Variants in INTS7 observed in about 807,000 individuals in gnomAD.
The protein encoded by INTS7 is chromosome 1 open reading frame 73.
INTS7 carries 46 observed loss-of-function variants against 109.2 expected under a neutral mutation model. The observed-to-expected ratio is 0.42, with a 90% CI of 0.33 to 0.54. The LOEUF (loss-of-function observed/expected upper bound fraction) is 0.54. Ranked by LOEUF, INTS7 falls within the 20% of genes least tolerant of loss-of-function variation. The pLI is 0.07. For synonymous variants in INTS7, 412 were observed against 402.9 expected, an observed-to-expected ratio of 1.02 and a Z score of -0.27; for missense variants, 929 against 1,132.4, an observed-to-expected ratio of 0.82 and a Z score of 2.58.
intron 7 of INTS7, among the ~76,000 whole-genome samples, chr1:212,001,863 A>T (rs953407320): frequency 6.6e-6 from 1 of 152,130 alleles, no homozygotes; most frequent in African/African-American, 2.4e-5. Context: ...TTCTCAGTTC[A>T]TCATTCCCTA....
chr1:211,968,849 G>T (rs184008288), intron 13 of INTS7, 142 bp from the exon 14 acceptor site: 4 of 563,754 alleles, frequency 7.1e-6, no homozygotes, highest in African/African-American at 3.7e-5. Context: ...ATGATAAAAA[G>T]AATAATGTAA....
chr1:211,993,973 C>T (rs1481211082), intron 7 of INTS7, among the ~76,000 whole-genome samples: 1 of 151,980 alleles, frequency 6.6e-6, no homozygotes, highest in Non-Finnish European at 1.5e-5. Context: ...AATTATAATA[C>T]TAACCAACAA....
In INTS7 at chr1:211,968,539, G is replaced by C; in HGVS notation, c.1984C>G (p.Gln662Glu). ...TGATTGGAGATGCGACCACACCTCT[G>C]GAGGTCATTTCCTAAGGTCATGGCA... The part of the protein sequence containing the change: ...TIAMTLGNDL[Q>E]RCGRISNQMK... The change falls in exon 14 of 20, where the codon CAG becomes GAG. Residue 662 changes from glutamine to glutamate, a missense_variant. Transcript: ENST00000366994. The C allele has an allele frequency of 6.2e-7, 1 of 1,613,952 alleles. No individual in the cohort carries two copies. The highest frequency in any genetic ancestry group is 8.5e-7 in the Non-Finnish European group (1 of 1,179,892).
intron 4 of INTS7, among the ~76,000 whole-genome samples, chr1:212,014,232 A>G (rs1666295517): frequency 6.6e-6 from 1 of 152,162 alleles, no homozygotes; most frequent in Admixed American, 6.5e-5. Context: ...TGGGAGGCCA[A>G]GGCAGGTGGA....
chr1:211,962,031 C>T (rs1017029052), intron 16 of INTS7, among the ~76,000 whole-genome samples: 1 of 152,022 alleles, frequency 6.6e-6, no homozygotes, highest in Non-Finnish European at 1.5e-5. Flanking sequence ...TACATCAATA[C>T]TAACCTTTAA....
At chr1:211,965,454 C>T (rs1663830250) in intron 16 of INTS7, among the ~76,000 whole-genome samples, 1 of 152,112 alleles carries the variant, frequency 6.6e-6, no homozygotes, top group African/African-American at 2.4e-5. Context: ...TGTGTATATA[C>T]CCAAAGGAAT....
intron 7 of INTS7, among the ~76,000 whole-genome samples, chr1:211,989,739 T>C (rs1665064096): frequency 6.6e-6 from 1 of 151,658 alleles, no homozygotes; most frequent in Admixed American, 6.6e-5. Flanking sequence ...GGAGAATCGC[T>C]TGAACCCAGG....
chr1:211,996,861 C>CA lies in INTS7; in HGVS notation c.880-8859dup, dbSNP rs1665415480. ...ACAAAATAGCGAGATCTCACCTCTACAAAAAAATACAAAAATTGGCTGGGT... is the reference window on the plus strand; with the variant it reads ...ACAAAATAGCGAGATCTCACCTCTACAAAAAAAATACAAAAATTGGCTGGGT... On this transcript the variant is annotated intron_variant, in intron 7 of 19. Transcript: ENST00000366994. Among the ~76,000 whole-genome samples, 13 of 151,820 alleles carry CA rather than the reference C, an allele frequency of 8.6e-5. 1 individual carries two copies. Among genetic ancestry groups the CA allele is most frequent in the Admixed American group, 7.2e-4 (11 of 15,246 alleles).
At chr1:212,008,682 G>A (rs1267325767) in intron 5 of INTS7, among the ~76,000 whole-genome samples, 4 of 152,160 alleles carry the variant, frequency 2.6e-5, no homozygotes, top group Non-Finnish European at 5.9e-5. Context: ...AAGGCTCAAA[G>A]AGAACTGATC....
intron 7 of INTS7, among the ~76,000 whole-genome samples, chr1:212,001,217 G>A (rs762604759): frequency 1.3e-5 from 2 of 151,980 alleles, no homozygotes; most frequent in East Asian, 1.9e-4. Flanking sequence ...ACAGGCATGC[G>A]CCATCACGCC....
intron 17 of INTS7, among the ~76,000 whole-genome samples, chr1:211,948,734 GTC>G (rs936597734): frequency 1.5e-4 from 23 of 152,210 alleles, no homozygotes; most frequent in African/African-American, 5.3e-4. Context: ...TTGAGACGGA[GTC>G]TCTCTCTGTT....
chr1:211,987,962 T>C lies in INTS7; in HGVS notation c.921A>G (p.Leu307=), dbSNP rs201753572. The C allele has an allele frequency of 6.2e-7, 1 of 1,612,262 alleles. No individual in the cohort carries two copies. Among genetic ancestry groups the C allele is most frequent in the Admixed American group, 1.7e-5 (1 of 59,990 alleles). Residue 307 remains leucine, a synonymous_variant, in exon 8 of 20, where the codon TTA becomes TTG. Transcript: ENST00000366994. ...ECALQTPYDS[L]KLGMLSVLST... ...AAAGGACAGACAACATCCCTAGTTTTAAGCTGTCATAAGGAGTCTGGAGGG... is the reference window on the plus strand; with the variant it reads ...AAAGGACAGACAACATCCCTAGTTTCAAGCTGTCATAAGGAGTCTGGAGGG...
At chr1:211,997,152 C>T (rs2102452842) in intron 7 of INTS7, among the ~76,000 whole-genome samples, 1 of 152,096 alleles carries the variant, frequency 6.6e-6, no homozygotes, top group African/African-American at 2.4e-5. Context: ...AAAGAACTTA[C>T]TCATGTAACC....
intron 1 of INTS7, among the ~76,000 whole-genome samples, chr1:212,028,033 G>C (rs1433056457): frequency 6.6e-6 from 1 of 152,062 alleles, no homozygotes; most frequent in Non-Finnish European, 1.5e-5. Context: ...CACCATGTTG[G>C]CCAGGCCAAT....
chr1:212,008,065 G>A (rs1006899407), intron 5 of INTS7, among the ~76,000 whole-genome samples: 6 of 152,160 alleles, frequency 3.9e-5, no homozygotes, highest in Non-Finnish European at 7.3e-5. Context: ...TTTCTCAGTC[G>A]TAATGTACCA....
chr1:211,999,215 C>T (rs1355128205), intron 7 of INTS7, among the ~76,000 whole-genome samples: 2 of 152,338 alleles, frequency 1.3e-5, no homozygotes, highest in East Asian at 3.9e-4. Flanking sequence ...CAGAAACAAT[C>T]CAAATGTCCA....
chr1:212,011,831 C>T (rs956946955), intron 4 of INTS7, among the ~76,000 whole-genome samples: 1 of 152,142 alleles, frequency 6.6e-6, no homozygotes, highest in African/African-American at 2.4e-5. Flanking sequence ...AAAGACTTCT[C>T]ATAACAACTT....
intron 4 of INTS7, among the ~76,000 whole-genome samples, chr1:212,012,655 T>A (rs932671815): frequency 1.3e-5 from 2 of 152,170 alleles, no homozygotes; most frequent in Non-Finnish European, 2.9e-5. Context: ...TATTGAAGCA[T>A]GGTATATTAA....
chr1:212,033,309 G>A (rs1473896361), intron 1 of INTS7, among the ~76,000 whole-genome samples: 2 of 152,256 alleles, frequency 1.3e-5, no homozygotes, highest in Non-Finnish European at 2.9e-5. Flanking sequence ...TATTCTACAC[G>A]AAACTGGCTA....
Sources: allele counts gnomAD v4.1 joint callset (sites outside exome capture counted in the v4.1 genomes callset), GRCh38; gene constraint gnomAD v4.1.1; transcripts MANE v1.5; gene names NCBI Gene and HGNC (gene_info 2026-07-23, HGNC 2026-07-21).